Variants in TBC1D32 observed in about 807,000 individuals in gnomAD.
TBC1D32 encodes the protein TBC1 domain family member 32, also known as protein broad-minded.
In TBC1D32, 151 loss-of-function variants were observed where a neutral mutation model predicts 170.3. That is an observed-to-expected ratio of 0.89 (90% confidence interval 0.78 to 1.01). The LOEUF (loss-of-function observed/expected upper bound fraction) is 1.01. TBC1D32 is among the 50% of genes least tolerant of loss of function. TBC1D32 has a pLI of 0.00. For synonymous variants in TBC1D32, 498 were observed against 488.0 expected (o/e 1.02, Z -0.27); for missense variants, 1,464 against 1,457.1 (o/e 1.00, Z -0.08).
At chr6:121,317,772 C>G in intron 2 of TBC1D32, 100 bp from the exon 3 acceptor site, 1 of 794,968 alleles carries the variant, frequency 1.3e-6, no homozygotes, top group Non-Finnish European at 1.8e-6. Context: ...AAGGGAAGTC[C>G]CTTTAAGAAC....
chr6:121,081,980 T>C (rs77295398), intron 31 of TBC1D32, among the ~76,000 whole-genome samples: 11,087 of 152,136 alleles, frequency 0.073, 441 homozygotes, highest in South Asian at 0.15. Context: ...AGAAATGAAA[T>C]GGTGTTGTTA....
intron 12 of TBC1D32, among the ~76,000 whole-genome samples, chr6:121,286,270 A>G (rs1327589277): frequency 6.6e-6 from 1 of 152,202 alleles, no homozygotes; most frequent in Non-Finnish European, 1.5e-5. Flanking sequence ...TAACTAGAAC[A>G]ACCAATGCAG....
chr6:121,303,807 G>C (rs776141520), intron 8 of TBC1D32, 46 bp from the exon 9 acceptor site: 6 of 1,299,494 alleles, frequency 4.6e-6, no homozygotes, highest in Non-Finnish European at 6.2e-6. Context: ...TATAGTTCTG[G>C]TGGTATACTT....
chr6:121,120,941 G>A (rs761376494), intron 26 of TBC1D32, among the ~76,000 whole-genome samples: 4 of 151,716 alleles, frequency 2.6e-5, no homozygotes, highest in Non-Finnish European at 5.9e-5. Context: ...TAAATATAGG[G>A]TCATCTGTAT....
Position 121,202,337 on chromosome 6 carries a change from A to C in TBC1D32, c.2570+2738T>G, listed in dbSNP as rs181739889. Among the ~76,000 whole-genome samples the C allele has an allele frequency of 4.4e-4, 66 of 150,192 alleles. 1 individual carries two copies. The highest frequency in any genetic ancestry group is 1.5e-3 in the African/African-American group (61 of 40,070). ...CCGCAGCAATAAGAGTGTGTGATAC[A>C]CAGAAATGAAGAGAATTTTTCACAC... On this transcript the variant is annotated intron_variant, in intron 22 of 31. Coordinates refer to ENST00000398212, the MANE Select transcript of TBC1D32 (RefSeq NM_152730.6).
chr6:121,297,954 G>A (rs1430185668), intron 10 of TBC1D32, among the ~76,000 whole-genome samples: 1 of 151,944 alleles, frequency 6.6e-6, no homozygotes, highest in African/African-American at 2.4e-5. Flanking sequence ...TAAACAGGCT[G>A]CTATGAGTAA....
intron 1 of TBC1D32, among the ~76,000 whole-genome samples, chr6:121,332,007 A>C (rs1811284431): frequency 6.6e-6 from 1 of 152,198 alleles, no homozygotes; most frequent in Non-Finnish European, 1.5e-5. Context: ...GGAGGCCACA[A>C]GTAAATCTCT....
At chr6:121,089,910 A>T (rs946731939) in intron 31 of TBC1D32, among the ~76,000 whole-genome samples, 3 of 151,910 alleles carry the variant, frequency 2.0e-5, no homozygotes, top group Non-Finnish European at 4.4e-5. Flanking sequence ...TAGTAGGGAT[A>T]AGGAAACATT....
At chr6:121,257,232 T>G (rs1799162601) in intron 15 of TBC1D32, among the ~76,000 whole-genome samples, 2 of 152,152 alleles carry the variant, frequency 1.3e-5, no homozygotes. Context: ...TAACTTCTTT[T>G]GTTTCGTTTC....
chr6:121,171,158 G>A (rs1303797645), intron 22 of TBC1D32, among the ~76,000 whole-genome samples: 1 of 151,784 alleles, frequency 6.6e-6, no homozygotes, highest in Non-Finnish European at 1.5e-5. Context: ...TCAGTTTACA[G>A]GAAACACAGG....
At chr6:121,159,238 T>G (rs1785292456) in intron 24 of TBC1D32, among the ~76,000 whole-genome samples, 2 of 152,232 alleles carry the variant, frequency 1.3e-5, no homozygotes, top group Admixed American at 1.3e-4. Flanking sequence ...TATCTAATTA[T>G]TTGAATGCAT....
chr6:121,196,485 C>A (rs1790753283), intron 22 of TBC1D32, among the ~76,000 whole-genome samples: 2 of 152,342 alleles, frequency 1.3e-5, no homozygotes, highest in South Asian at 4.1e-4. Context: ...TAGACACTTA[C>A]TCCAGATATG....
intron 22 of TBC1D32, among the ~76,000 whole-genome samples, 184 bp downstream of exon 22, chr6:121,204,891 C>T (rs1434408409): frequency 2.0e-5 from 3 of 152,048 alleles, no homozygotes; most frequent in African/African-American, 4.8e-5. Flanking sequence ...CAGACAAAGG[C>T]CATGGTACAC....
At chr6:121,216,283 T>G (rs1342600372) in intron 21 of TBC1D32, among the ~76,000 whole-genome samples, 1 of 152,222 alleles carries the variant, frequency 6.6e-6, no homozygotes, top group African/African-American at 2.4e-5. Flanking sequence ...CTCCAAGTTC[T>G]TTAGTTTTGA....
At chr6:121,181,236 T>C in intron 22 of TBC1D32, among the ~76,000 whole-genome samples, 1 of 152,078 alleles carries the variant, frequency 6.6e-6, no homozygotes, top group East Asian at 1.9e-4. Context: ...TGAATCTGTG[T>C]CCCCACCCAA....
intron 21 of TBC1D32, among the ~76,000 whole-genome samples, chr6:121,215,639 A>C (rs1189464939): frequency 6.2e-5 from 8 of 129,450 alleles, no homozygotes; most frequent in Non-Finnish European, 1.2e-4. Flanking sequence ...AGCATCTATA[A>C]GAAACTTAAA....
intron 9 of TBC1D32, among the ~76,000 whole-genome samples, chr6:121,302,990 C>G (rs972101414): frequency 6.6e-6 from 1 of 152,098 alleles, no homozygotes; most frequent in Non-Finnish European, 1.5e-5. Flanking sequence ...GTGCCCAGTA[C>G]AGATTGAGAA....
chr6:121,232,427 A>G (rs1485375420), intron 20 of TBC1D32, among the ~76,000 whole-genome samples: 2 of 152,030 alleles, frequency 1.3e-5, no homozygotes, highest in African/African-American at 4.8e-5. Context: ...CTCCATATAC[A>G]TTTTAGGATT....
intron 17 of TBC1D32, 63 bp from the exon 18 acceptor site, chr6:121,242,402 A>C (rs890007278): frequency 2.3e-5 from 35 of 1,528,376 alleles, no homozygotes; most frequent in African/African-American, 2.8e-5. Context: ...AACAAAGAGT[A>C]TGTCTTAGCT....
Sources: gnomAD v4.1 joint callset for allele counts (sites outside exome capture counted in the v4.1 genomes callset) on GRCh38, gnomAD v4.1.1 for gene constraint, MANE v1.5 for transcripts, NCBI Gene and HGNC (gene_info 2026-07-23, HGNC 2026-07-21) for gene names.